CA13: variants seen among roughly 807,000 people sequenced by gnomAD.
CA13 encodes the protein carbonic anhydrase 13, also known as CA-XIII.
Under a neutral mutation model 31.5 loss-of-function variants are expected in CA13, and 21 were observed. The observed-to-expected ratio is 0.67, with a 90% confidence interval of 0.47 to 0.96. The LOEUF (loss-of-function observed/expected upper bound fraction) is 0.96, where lower values mean the gene tolerates loss of function less well. Ranked by LOEUF, CA13 falls within the 40% of genes least tolerant of loss-of-function variation. The pLI is 0.00. For missense variants in CA13, 315 were observed against 318.9 expected, an observed-to-expected ratio of 0.99 and a Z score of 0.09; for synonymous variants, 117 against 111.4, an observed-to-expected ratio of 1.05 and a Z score of -0.32.
Position 85,283,591 on chromosome 8 carries a change from A to G in CA13, c.*2242A>G, listed in dbSNP as rs1255680450. ...TGTAACTTGTAAAACCAAAAGTTCT[A>G]ATGGTTTTTAAAAACCAGTGTTGAG... On this transcript the variant is annotated 3_prime_UTR_variant, in exon 7 of 7. Coordinates refer to ENST00000321764, the MANE Select transcript of CA13 (RefSeq NM_198584.3). 6.6e-6 allele frequency: 1 copy of G among 152,646 alleles called. No homozygotes were observed. The highest frequency in any genetic ancestry group is 2.4e-5 in the African/African-American group (1 of 41,448). The allele number at this position is 152,646 out of a possible 1,614,324, so 9.5% of individuals were successfully genotyped here.
chr8:85,271,499 G>A (rs965199559), intron 6 of CA13, among the ~76,000 whole-genome samples: 4 of 152,146 alleles, frequency 2.6e-5, no homozygotes, highest in Admixed American at 2.0e-4. Context: ...GCAGATAAAT[G>A]TACTATTTTC....
At chr8:85,256,954 T>C (rs1807307481) in intron 2 of CA13, among the ~76,000 whole-genome samples, 1 of 152,180 alleles carries the variant, frequency 6.6e-6, no homozygotes, top group African/African-American at 2.4e-5. Flanking sequence ...TCTCTCTCTC[T>C]CTCCCTCTCT....
At chr8:85,269,463 G>A (rs1376984447) in intron 6 of CA13, among the ~76,000 whole-genome samples, 6 of 151,960 alleles carry the variant, frequency 3.9e-5, no homozygotes, top group African/African-American at 1.5e-4. Flanking sequence ...TTGTTAAGAG[G>A]GTGGATCTCA....
chr8:85,281,250 C>T lies in CA13; in HGVS notation c.690C>T (p.Leu230=), dbSNP rs746265886. The T allele has an allele frequency of 6.2e-7, 1 of 1,614,004 alleles. No homozygotes were observed. Among genetic ancestry groups the T allele is most frequent in the Non-Finnish European group, 8.5e-7 (1 of 1,179,944 alleles). ...TACAGCTGGCCAAATTTCGCAGTCT[C>T]CTGTGCACAGCGGAGGGTGAAGCAG... ...SSQQLAKFRS[L]LCTAEGEAAA... Residue 230 remains leucine, a synonymous_variant, in exon 7 of 7, where the codon CTC becomes CTT. Coordinates refer to ENST00000321764, the MANE Select transcript of CA13 (RefSeq NM_198584.3).
At chr8:85,257,763 T>G (rs1390934007) in intron 2 of CA13, among the ~76,000 whole-genome samples, 1 of 148,610 alleles carries the variant, frequency 6.7e-6, no homozygotes, top group African/African-American at 2.4e-5. Context: ...GCTTTCTGGG[T>G]TCAAGTGAGC....
At position 85,250,786 on chromosome 8, in the gene CA13, G is replaced by A; in HGVS notation, c.84G>A (p.Gln28=). Residue 28 remains glutamine (Q), a synonymous_variant, in exon 2 of 7, where the codon CAG becomes CAA. Coordinates refer to ENST00000321764, the MANE Select transcript of CA13 (RefSeq NM_198584.3). ...KEFFPIADGD[Q]QSPIEIKTKE... is the part of the protein sequence containing the mutation. Reference sequence around the variant, plus strand: ...TTTTCCCTATTGCTGATGGTGATCAGCAATCTCCAATTGAGATTAAAACCA... The same window carrying A: ...TTTTCCCTATTGCTGATGGTGATCAACAATCTCCAATTGAGATTAAAACCA... The A allele has an allele frequency of 6.2e-7, 1 of 1,613,422 alleles. No homozygotes were observed. The highest frequency in any genetic ancestry group is 8.5e-7 in the Non-Finnish European group (1 of 1,179,458).
chr8:85,247,046 A>C (rs1173118153), intron 1 of CA13, among the ~76,000 whole-genome samples: 1 of 152,216 alleles, frequency 6.6e-6, no homozygotes, highest in Non-Finnish European at 1.5e-5. Flanking sequence ...CTAGTTTAAA[A>C]ATGGCAGCAG....
At position 85,266,528 on chromosome 8, in the gene CA13, T is replaced by C. The variant is rs928615385; in HGVS notation, c.355-80T>C. 10 of 1,055,436 alleles carry C rather than the reference T, an allele frequency of 9.5e-6. No individual in the cohort carries two copies. In the African/African-American group the frequency reaches 1.1e-4, roughly 12 times the overall value. 65.4% of individuals were successfully genotyped at this position (1,055,436 alleles called of 1,614,324 possible). A position where few individuals can be genotyped will look rare whatever the true frequency, so the allele number is the denominator to read the frequency against. On this transcript the variant is annotated intron_variant, in intron 3 of 6. Coordinates refer to ENST00000321764, the MANE Select transcript of CA13 (RefSeq NM_198584.3). Reference sequence around the variant, plus strand: ...ACATAAGTGTACAGCACCAGAAAATTTGTAAATGTTTTATTTGCATTTATG... The same window carrying C: ...ACATAAGTGTACAGCACCAGAAAATCTGTAAATGTTTTATTTGCATTTATG...
In CA13 at chr8:85,259,535, C is replaced by T. The variant is rs1041259319; in HGVS notation, c.350C>T (p.Ala117Val). Reference protein sequence around the residue: ...EHIVDGVSYAAELHVVHWNSD... With the variant: ...EHIVDGVSYAVELHVVHWNSD... The stretch of plus-strand genomic sequence containing the variant: ...ATAGTAGATGGAGTGAGCTATGCTG[C>T]AGAGGTAAGCCATAAGACATATCTG... Residue 117 changes from alanine to valine, a missense_variant, in exon 3 of 7, where the codon GCA becomes GTA. Coordinates refer to ENST00000321764, the MANE Select transcript of CA13 (RefSeq NM_198584.3). 1 of 1,612,574 alleles carries T rather than the reference C, an allele frequency of 6.2e-7. No homozygotes were observed. The highest frequency in any genetic ancestry group is 8.5e-7 in the Non-Finnish European group (1 of 1,178,626).
Position 85,255,552 on chromosome 8 carries a change from G to A in CA13, c.236-3869G>A, listed in dbSNP as rs913460190. ...GTCAAGCTGGTCTCGAACTCCTGGC[G>A]TTTTTAGTAGAGACAGGGTTTCGCC... On this transcript the variant is annotated intron_variant, in intron 2 of 6. Coordinates refer to ENST00000321764, the MANE Select transcript of CA13 (RefSeq NM_198584.3). Among the ~76,000 whole-genome samples, 5 of 150,710 alleles carry A rather than the reference G, an allele frequency of 3.3e-5. No homozygotes were observed. The East Asian group carries it at 7.8e-4, about 24-fold the overall frequency.
At chr8:85,254,016 C>T (rs1807239059) in intron 2 of CA13, among the ~76,000 whole-genome samples, 1 of 152,086 alleles carries the variant, frequency 6.6e-6, no homozygotes, top group African/African-American at 2.4e-5. Context: ...TGGTGGCTCA[C>T]ATCTGTAATC....
At chr8:85,277,213 G>C (rs1807625064) in intron 6 of CA13, among the ~76,000 whole-genome samples, 1 of 152,168 alleles carries the variant, frequency 6.6e-6, no homozygotes, top group Non-Finnish European at 1.5e-5. Context: ...TCTTGCTGCT[G>C]CTCACTCTTT....
At position 85,245,852 on chromosome 8, in the gene CA13, C is replaced by CCG; in HGVS notation, c.27_28dup (p.Glu10AlafsTer31). Reference sequence around the variant, plus strand: ...CCATGTCGAGGCTCAGCTGGGGATACCGCGAGCACAACGGTGAGCGCCTTT... The same window carrying CCG: ...CCATGTCGAGGCTCAGCTGGGGATACCGCGCGAGCACAACGGTGAGCGCCTTT... On this transcript the variant is annotated frameshift_variant, in exon 1 of 7. Coordinates refer to ENST00000321764, the MANE Select transcript of CA13 (RefSeq NM_198584.3). LOFTEE classifies it high-confidence loss of function. The CCG allele has an allele frequency of 6.2e-7, 1 of 1,614,156 alleles. No homozygotes were observed. Among genetic ancestry groups the CCG allele is most frequent in the Non-Finnish European group, 8.5e-7 (1 of 1,180,004 alleles).
In CA13 at chr8:85,284,050, A is replaced by C. The variant is rs1264636446; in HGVS notation, c.*2701A>C. 6.6e-6 allele frequency: 1 copy of C among 152,166 alleles called. No individual in the cohort carries two copies. The highest frequency in any genetic ancestry group is 1.5e-5 in the Non-Finnish European group (1 of 68,028). 9.4% of individuals were successfully genotyped at this position (152,166 alleles called of 1,614,324 possible). The stretch of plus-strand genomic sequence containing the variant: ...TTTAATTTAAATTGGATTCAACCAC[A>C]ATAAAGAAAATGAGAAAAGCTTTCA... On this transcript the variant is annotated 3_prime_UTR_variant, in exon 7 of 7. Transcript: ENST00000321764.
chr8:85,245,489 T>C lies in CA13; in HGVS notation c.-340T>C, dbSNP rs1456267395. The C allele has an allele frequency of 2.6e-5, 8 of 313,688 alleles. 1 individual carries two copies. The highest frequency in any genetic ancestry group is 4.7e-5 in the Non-Finnish European group (8 of 169,138). 19.4% of individuals were successfully genotyped at this position (313,688 alleles called of 1,614,324 possible). A position where few individuals can be genotyped will look rare whatever the true frequency, so the allele number is the denominator to read the frequency against. On this transcript the variant is annotated 5_prime_UTR_variant, in exon 1 of 7. Transcript: ENST00000321764. ...TTCCTGGAAGTCCTCTAGGCAACAC[T>C]TTCCTCTCCCGAGTGACGACTCCTC...
chr8:85,247,133 A>G (rs1813747045), intron 1 of CA13, among the ~76,000 whole-genome samples: 1 of 152,148 alleles, frequency 6.6e-6, no homozygotes, highest in Non-Finnish European at 1.5e-5. Context: ...ATAATCTTAC[A>G]TTTTGCTAAT....
chr8:85,261,490 G>A (rs1016694783), intron 3 of CA13, among the ~76,000 whole-genome samples: 8 of 151,322 alleles, frequency 5.3e-5, no homozygotes, highest in African/African-American at 1.2e-4. Context: ...GCGATGGTGC[G>A]ATCTTGGCTT....
At chr8:85,247,078 A>G (rs1480960330) in intron 1 of CA13, among the ~76,000 whole-genome samples, 1 of 152,208 alleles carries the variant, frequency 6.6e-6, no homozygotes, top group Non-Finnish European at 1.5e-5. Context: ...AACTTTAATA[A>G]TAAAAGGTGT....
At chr8:85,247,452 C>A (rs1813751610) in intron 1 of CA13, among the ~76,000 whole-genome samples, 1 of 152,148 alleles carries the variant, frequency 6.6e-6, no homozygotes, top group Admixed American at 6.5e-5. Flanking sequence ...CCATTCCTTT[C>A]TTTTAGATGC....
Sources: allele counts gnomAD v4.1 joint callset (sites outside exome capture counted in the v4.1 genomes callset), GRCh38; gene constraint gnomAD v4.1.1; transcripts MANE v1.5; gene names NCBI Gene and HGNC (gene_info 2026-07-23, HGNC 2026-07-21).